TSR1: variants seen among roughly 807,000 people sequenced by gnomAD.
The protein encoded by TSR1 is pre-rRNA-processing protein TSR1 homolog.
TSR1 carries 81 observed loss-of-function variants against 90.9 expected under a neutral mutation model. That is an observed-to-expected ratio of 0.89 (90% CI 0.74 to 1.07). The LOEUF (loss-of-function observed/expected upper bound fraction) is 1.07. Ranked by LOEUF, TSR1 falls within the 50% of genes least tolerant of loss-of-function variation. The pLI, the probability that TSR1 is intolerant of heterozygous loss-of-function variation, is 0.00. For synonymous variants in TSR1, 362 were observed against 348.8 expected (o/e 1.04, Z -0.42); for missense variants, 989 against 987.3 (o/e 1.00, Z -0.02).
rs1304640073 is a variant in TSR1 at position 2,324,273 on chromosome 17, C to T, written c.2338G>A (p.Asp780Asn). ...YKRVFPKWTY[D>N]PYVPEPVPWL... ...GGTACTGGTTCTGGTACATATGGAT[C>T]ATAAGTCCATTTGGGGAAGACTCGT... The change falls in exon 15 of 15, where the codon GAT becomes AAT. Residue 780 changes from aspartate to asparagine, a missense_variant. Physicochemically the swap from Asp to Asn is conservative, Grantham distance 23. Coordinates refer to ENST00000301364, the MANE Select transcript of TSR1 (RefSeq NM_018128.5). 6.4e-7 allele frequency: 1 copy of T among 1,553,596 alleles called. No individual in the cohort carries two copies. The highest frequency in any genetic ancestry group is 2.2e-5 in the East Asian group (1 of 44,556).
At position 2,333,019 on chromosome 17, in the gene TSR1, C is replaced by A; in HGVS notation, c.1247G>T (p.Gly416Val). Residue 416 changes from glycine (G) to valine (V), a missense_variant, in exon 7 of 15, where the codon GGA becomes GTA. Gly to Val is a moderately radical substitution (Grantham distance 109). Transcript: ENST00000301364. Reference sequence around the variant, plus strand: ...CATATCATCATATTCATATTCATCTCCTTCCCCACCACTTTGGCTGCCACC... The same window carrying A: ...CATATCATCATATTCATATTCATCTACTTCCCCACCACTTTGGCTGCCACC... Reference protein sequence around the residue: ...LDGGSQSGGEGDEYEYDDMEH... With the variant: ...LDGGSQSGGEVDEYEYDDMEH... The A allele has an allele frequency of 6.2e-7, 1 of 1,614,156 alleles. No individual in the cohort carries two copies.
Position 2,333,694 on chromosome 17 carries a change from T to C in TSR1, c.1004A>G (p.Asp335Gly), listed in dbSNP as rs745709713. The C allele has an allele frequency of 1.2e-6, 2 of 1,614,072 alleles. No individual in the cohort carries two copies. Among genetic ancestry groups the C allele is most frequent in the Non-Finnish European group, 1.7e-6 (2 of 1,180,032 alleles). ...GACTTTAAGACCTTCTTCCATATCA[T>C]CTACAGCATCCGTAGCACAAATCTG... Reference protein sequence around the residue: ...AMEICATDAVDDMEEGLKVLM... With the variant: ...AMEICATDAVGDMEEGLKVLM... The change falls in exon 6 of 15, where the codon GAT becomes GGT. Residue 335 changes from aspartate to glycine, a missense_variant. Coordinates refer to ENST00000301364, the MANE Select transcript of TSR1 (RefSeq NM_018128.5).
At chr17:2,335,006 G>C in intron 4 of TSR1, 110 bp from the exon 5 acceptor site, 1 of 1,240,426 alleles carries the variant, frequency 8.1e-7, no homozygotes, top group East Asian at 2.4e-5. Flanking sequence ...AGATCACTGG[G>C]AAGCCCAACA....
rs370406453 is a variant in TSR1, at chr17:2,334,623, T to C, written c.830A>G (p.Tyr277Cys). The stretch of plus-strand genomic sequence containing the variant: ...GACATTCAGAGTCTGCCCTCGAACA[T>C]AGCCTGAAATTTTCAAGGTGCCCAC... ...NLVGTLKISG[Y>C]VRGQTLNVNR... Residue 277 changes from tyrosine to cysteine, a missense_variant, in exon 5 of 15, where the codon TAT (tyrosine) becomes TGT (cysteine). Transcript: ENST00000301364. 11 of 1,613,962 alleles carry C rather than the reference T, an allele frequency of 6.8e-6. No individual in the cohort carries two copies. Among genetic ancestry groups the C allele is most frequent in the Middle Eastern group, 1.7e-4 (1 of 5,956 alleles).
Position 2,330,947 on chromosome 17 carries a change from C to G in TSR1, c.1659G>C (p.Glu553Asp). Reference sequence around the variant, plus strand: ...CAAGATGAACAAGGAGGATAGATACCTCAGCTCCTTCAACCTCTTTTTCTT... The same window carrying G: ...CAAGATGAACAAGGAGGATAGATACGTCAGCTCCTTCAACCTCTTTTTCTT... The part of the protein sequence containing the change: ...EVEEKEVEGA[E>D]VGWYVTLHVS... Residue 553 changes from glutamate (E) to aspartate (D), a missense_variant and splice_region_variant, in exon 9 of 15, where the codon GAG (glutamate) becomes GAC (aspartate). Coordinates refer to ENST00000301364, the MANE Select transcript of TSR1 (RefSeq NM_018128.5). 6.3e-7 allele frequency: 1 copy of G among 1,584,034 alleles called. No homozygotes were observed. The highest frequency in any genetic ancestry group is 1.2e-5 in the South Asian group (1 of 84,956).
intron 6 of TSR1, 98 bp downstream of exon 6, chr17:2,333,459 C>T: frequency 6.9e-7 from 1 of 1,451,984 alleles, no homozygotes; most frequent in Non-Finnish European, 9.6e-7. Flanking sequence ...AACTATACCC[C>T]CACCCCACTC....
chr17:2,329,469 C>G lies in TSR1; in HGVS notation c.1777G>C (p.Val593Leu). 6.2e-7 allele frequency: 1 copy of G among 1,614,138 alleles called. No homozygotes were observed. Among genetic ancestry groups the G allele is most frequent in the East Asian group, 2.2e-5 (1 of 44,884 alleles). ...TCACGCCTCACCACCATATTCAATA[C>G]TGACATCTGGGGACCAAGTAAGAAA... ...SLLPHEQKMS[V>L]LNMVVRRDPG... The change falls in exon 11 of 15, where the codon GTA becomes CTA. Residue 593 changes from valine (V) to leucine (L), a missense_variant. Transcript: ENST00000301364.
chr17:2,332,175 C>G lies in TSR1; in HGVS notation c.1490G>C (p.Arg497Pro). 6.2e-7 allele frequency: 1 copy of G among 1,611,072 alleles called. No homozygotes were observed. Among genetic ancestry groups the G allele is most frequent in the Non-Finnish European group, 8.5e-7 (1 of 1,179,364 alleles). The change falls in exon 8 of 15, where the codon CGA becomes CCA. Residue 497 changes from arginine to proline, a missense_variant. Arg to Pro is a moderately radical substitution (Grantham distance 103). Transcript: ENST00000301364. ...EVDTPRDVAA[R>P]IRFQKYRGLK... ...GATAGACTTGTTGACTAACCGAATT[C>G]GAGCAGCCACATCACGGGGCGTGTC...
chr17:2,336,397 G>A lies in TSR1; in HGVS notation c.31C>T (p.Gln11Ter). Residue 11 changes from glutamine (Q) to a stop codon, truncating the protein, a stop_gained, in exon 1 of 15, where the codon CAG becomes TAG. Coordinates refer to ENST00000301364, the MANE Select transcript of TSR1 (RefSeq NM_018128.5). LOFTEE classifies it high-confidence loss of function. ...CCGCCTTTATGAGCTTTATTCTGCT[G>A]CTTGAGCGGGCCGGGGCGGTGGGCC... MAAHRPGPLK[Q>*]QNKAHKGGRH... 6.2e-7 allele frequency: 1 copy of A among 1,612,614 alleles called. No homozygotes were observed. Among genetic ancestry groups the A allele is most frequent in the Non-Finnish European group, 8.5e-7 (1 of 1,180,024 alleles).
Position 2,331,002 on chromosome 17 carries a change from TTAG to T in TSR1, c.1601_1603del (p.Thr534del). On this transcript the variant is annotated inframe_deletion, in exon 9 of 15. Coordinates refer to ENST00000301364, the MANE Select transcript of TSR1 (RefSeq NM_018128.5). ...CTCTTTAAAGATGCTTTTCCTAGTG[TTAG>T]TAAAGTTCTGAAACTGAAATATTCG... 3 of 1,610,416 alleles carry T rather than the reference TTAG, an allele frequency of 1.9e-6. No individual in the cohort carries two copies. Among genetic ancestry groups the T allele is most frequent in the Non-Finnish European group, 2.5e-6 (3 of 1,179,192 alleles).
chr17:2,335,870 G>A (rs2064064868), intron 2 of TSR1, 140 bp from the exon 3 acceptor site: 3 of 1,259,492 alleles, frequency 2.4e-6, no homozygotes, highest in East Asian at 2.5e-5. Context: ...CAGCGGGGTG[G>A]CAGGAATTCT....
At position 2,330,369 on chromosome 17, in the gene TSR1, T is replaced by C. The variant is rs759776470; in HGVS notation, c.1770+146A>G. 2.0e-5 allele frequency: 16 copies of C among 780,504 alleles called. No homozygotes were observed. The African/African-American group carries it at 2.4e-4, about 12-fold the overall frequency. 48.3% of individuals were successfully genotyped at this position (780,504 alleles called of 1,614,324 possible). A position where few individuals can be genotyped will look rare whatever the true frequency, so the allele number is the denominator to read the frequency against. On this transcript the variant is annotated intron_variant, in intron 10 of 14. Transcript: ENST00000301364. ...TGAATAAAACCATCATTGACTTCTC[T>C]ATTATTCTCCAATTCCTAATCATAA...
rs2064019657 is a variant in TSR1, at chr17:2,333,097, A to T, written c.1169T>A (p.Val390Glu). 4 of 1,614,012 alleles carry T rather than the reference A, an allele frequency of 2.5e-6. No individual in the cohort carries two copies. The East Asian group carries it at 8.9e-5, about 36-fold the overall frequency. The stretch of plus-strand genomic sequence containing the variant: ...GGATGTTCCTTTGGGGACCTTCTTT[A>T]CCACCTTAGAACTTTCCTTCAAGAA... The part of the protein sequence containing the change: ...KDFLKESSKV[V>E]KKVPKGTSSY... Residue 390 changes from valine (V) to glutamate (E), a missense_variant, in exon 7 of 15, where the codon GTA becomes GAA. Physicochemically the swap from Val to Glu is moderately radical, Grantham distance 121 (BLOSUM62 -2). Coordinates refer to ENST00000301364, the MANE Select transcript of TSR1 (RefSeq NM_018128.5).
At chr17:2,334,927 C>A in intron 4 of TSR1, 31 bp from the exon 5 acceptor site, 1 of 1,578,408 alleles carries the variant, frequency 6.3e-7, no homozygotes, top group South Asian at 1.1e-5. Context: ...GCTTCATGAC[C>A]TACTGCTTCA....
chr17:2,324,142 T>C lies in TSR1; in HGVS notation c.*54A>G. 1 of 1,507,578 alleles carries C rather than the reference T, an allele frequency of 6.6e-7. No individual in the cohort carries two copies. Among genetic ancestry groups the C allele is most frequent in the South Asian group, 1.4e-5 (1 of 71,346 alleles). 93.4% of individuals were successfully genotyped at this position (1,507,578 alleles called of 1,614,324 possible). ...ACTTTGCCCAATCACAACTTGTGCC[T>C]CCCATCCCTGGAGTACTGACTGGCA... On this transcript the variant is annotated 3_prime_UTR_variant, in exon 15 of 15. Transcript: ENST00000301364.
intron 4 of TSR1, 96 bp from the exon 5 acceptor site, chr17:2,334,992 C>T: frequency 1.5e-6 from 2 of 1,342,168 alleles, no homozygotes; most frequent in South Asian, 2.8e-5. Context: ...AGTTGCAAGC[C>T]CAGAGATCAC....
At position 2,323,069 on chromosome 17, in the gene TSR1, T is replaced by G; in HGVS notation, c.*1127A>C. The G allele has an allele frequency of 2.6e-6, 4 of 1,532,686 alleles. No homozygotes were observed. The highest frequency in any genetic ancestry group is 3.6e-6 in the Non-Finnish European group (4 of 1,108,736). 94.9% of individuals were successfully genotyped at this position (1,532,686 alleles called of 1,614,324 possible). A position where few individuals can be genotyped will look rare whatever the true frequency, so the allele number is the denominator to read the frequency against. On this transcript the variant is annotated 3_prime_UTR_variant, in exon 15 of 15. Transcript: ENST00000301364. ...TGTGAGCCACCACACCAGGCCCATATTTTCTTTTAGACATGCAGGCAATGT... is the reference window on the plus strand; with the variant it reads ...TGTGAGCCACCACACCAGGCCCATAGTTTCTTTTAGACATGCAGGCAATGT...
At chr17:2,329,594 T>G (rs2075593887) in intron 10 of TSR1, 119 bp from the exon 11 acceptor site, 1 of 1,248,584 alleles carries the variant, frequency 8.0e-7, no homozygotes, top group East Asian at 2.4e-5. Context: ...ACAATGCTAA[T>G]TAATGGTGGA....
chr17:2,335,687 G>A lies in TSR1; in HGVS notation c.245C>T (p.Pro82Leu), dbSNP rs1475455851. ...CAGGGGCACCACCAGTACCTGATGAGGAGGGCCATCCTTGCCACCCAGCTG... is the reference window on the plus strand; with the variant it reads ...CAGGGGCACCACCAGTACCTGATGAAGAGGGCCATCCTTGCCACCCAGCTG... ...KRQLGGKDGP[P>L]HQVLVVPLHS... The change falls in exon 3 of 15, where the codon CCT (proline) becomes CTT (leucine). Residue 82 changes from proline (P) to leucine (L), a missense_variant. Transcript: ENST00000301364. 1.9e-6 allele frequency: 3 copies of A among 1,613,820 alleles called. No individual in the cohort carries two copies. Among genetic ancestry groups the A allele is most frequent in the African/African-American group, 1.3e-5 (1 of 74,922 alleles).
Sources: allele counts gnomAD v4.1 joint callset, GRCh38; gene constraint gnomAD v4.1.1; transcripts MANE v1.5; gene names NCBI Gene and HGNC (gene_info 2026-07-23, HGNC 2026-07-21).